TMEM117: variants seen among roughly 807,000 people sequenced by gnomAD.
The protein encoded by TMEM117 is transmembrane protein 117.
TMEM117 carries 27 observed loss-of-function variants against 52.4 expected under a neutral mutation model. The observed-to-expected ratio is 0.51, with a 90% CI of 0.38 to 0.71. The LOEUF (loss-of-function observed/expected upper bound fraction) is 0.71. TMEM117 is among the 30% of genes least tolerant of loss of function. TMEM117 has a pLI of 0.00. For missense variants in TMEM117, 556 were observed against 630.5 expected, an observed-to-expected ratio of 0.88 and a Z score of 1.26; for synonymous variants, 215 against 206.3, an observed-to-expected ratio of 1.04 and a Z score of -0.36.
intron 5 of TMEM117, among the ~76,000 whole-genome samples, chr12:44,245,956 A>G (rs1449989393): frequency 6.6e-6 from 1 of 152,160 alleles, no homozygotes; most frequent in Non-Finnish European, 1.5e-5. Context: ...ATCCAAAACA[A>G]TTATTGTATG....
At chr12:44,082,731 C>G (rs938502989) in intron 3 of TMEM117, among the ~76,000 whole-genome samples, 1 of 152,006 alleles carries the variant, frequency 6.6e-6, no homozygotes, top group Non-Finnish European at 1.5e-5. Context: ...TTATGCAACA[C>G]AACAATATAA....
At position 44,063,624 on chromosome 12, in the gene TMEM117, C is replaced by G. The variant is rs555630188; in HGVS notation, c.411-79901C>G. Among the ~76,000 whole-genome samples the G allele has an allele frequency of 2.0e-3, 300 of 148,890 alleles. 4 individuals carry two copies. Among genetic ancestry groups the G allele is most frequent in the Non-Finnish European group, 2.6e-3 (174 of 67,332 alleles). On this transcript the variant is annotated intron_variant, in intron 3 of 7. Coordinates refer to ENST00000266534, the MANE Select transcript of TMEM117 (RefSeq NM_032256.3). ...TAATGCTATCCCTCCCGCCTCCCCC[C>G]ACCCCACAACAGCCCCCGGTGTGTG... is the stretch of plus-strand genomic sequence containing the variant.
In TMEM117 at chr12:44,347,851, T is replaced by A. The variant is rs546774101; in HGVS notation, c.769-28744T>A. On this transcript the variant is annotated intron_variant, in intron 6 of 7. Transcript: ENST00000266534. ...CTTAAGTTTCAAATCTGGCTGCATG[T>A]TATCATTTTGGGACTTTTAAAAAAC... Among the ~76,000 whole-genome samples, 239 of 152,192 alleles carry A rather than the reference T, an allele frequency of 1.6e-3. 3 individuals are homozygous for A. The highest frequency in any genetic ancestry group is 5.4e-3 in the African/African-American group (223 of 41,560).
chr12:43,933,539 T>C (rs1362274738), intron 2 of TMEM117, among the ~76,000 whole-genome samples: 2 of 151,962 alleles, frequency 1.3e-5, no homozygotes, highest in African/African-American at 2.4e-5. Context: ...CTATACTTTC[T>C]ATCTCATTGC....
chr12:43,806,061 G>T, the TMEM117 span: 1 of 1,518,688 alleles, frequency 6.6e-7, no homozygotes, highest in East Asian at 2.5e-5. Flanking sequence ...GCAGCGCCCG[G>T]GAAGCAGGAG....
chr12:43,856,304 A>G (rs1943399367), intron 2 of TMEM117, among the ~76,000 whole-genome samples: 1 of 152,238 alleles, frequency 6.6e-6, no homozygotes, highest in Non-Finnish European at 1.5e-5. Context: ...ATTCTCAACC[A>G]GTCTGTATGG....
rs1038604572 is a variant in TMEM117, at chr12:44,308,215, A to G, written c.768+8476A>G. ...ACATGATTTAAAAAACTGGAAATAT[A>G]TAAATTCTATACTACTGCAGATGGG... On this transcript the variant is annotated intron_variant, in intron 6 of 7. Transcript: ENST00000266534. Among the ~76,000 whole-genome samples, 4 of 152,348 alleles carry G rather than the reference A, an allele frequency of 2.6e-5. No individual in the cohort carries two copies. The East Asian group carries it at 7.7e-4, about 29-fold the overall frequency.
At chr12:44,066,328 T>C (rs560634247) in intron 3 of TMEM117, among the ~76,000 whole-genome samples, 1 of 152,304 alleles carries the variant, frequency 6.6e-6, no homozygotes, top group South Asian at 2.1e-4. Context: ...CAAAAGACAG[T>C]ATACTAAGCA....
chr12:44,132,032 T>A (rs942568118), intron 3 of TMEM117, among the ~76,000 whole-genome samples: 1 of 152,148 alleles, frequency 6.6e-6, no homozygotes, highest in Non-Finnish European at 1.5e-5. Flanking sequence ...CCATACAGGC[T>A]GAGCGATAAA....
chr12:44,374,298 G>A (rs750614041), intron 6 of TMEM117, among the ~76,000 whole-genome samples: 1 of 151,908 alleles, frequency 6.6e-6, no homozygotes, highest in Non-Finnish European at 1.5e-5. Context: ...AAGTAAAAGA[G>A]GTTTGGAAAA....
chr12:44,306,799 T>C (rs930703207), intron 6 of TMEM117, among the ~76,000 whole-genome samples: 1 of 152,246 alleles, frequency 6.6e-6, no homozygotes, highest in Non-Finnish European at 1.5e-5. Flanking sequence ...GAATGAACTA[T>C]CAATAATATT....
intron 3 of TMEM117, among the ~76,000 whole-genome samples, chr12:44,107,933 A>C (rs909169197): frequency 4.6e-5 from 7 of 152,188 alleles, no homozygotes; most frequent in Non-Finnish European, 8.8e-5. Context: ...ATAACACAGC[A>C]AAAGAGCCAC....
intron 3 of TMEM117, among the ~76,000 whole-genome samples, chr12:43,995,704 G>A (rs533038531): frequency 1.3e-5 from 2 of 152,262 alleles, no homozygotes; most frequent in Admixed American, 6.5e-5. Flanking sequence ...ATGCTAGCTA[G>A]TGATCTGGAC....
At chr12:44,042,964 G>A (rs905632352) in intron 3 of TMEM117, among the ~76,000 whole-genome samples, 2 of 152,222 alleles carry the variant, frequency 1.3e-5, no homozygotes, top group Middle Eastern at 3.4e-3. Flanking sequence ...AAATGCTAAG[G>A]ACTCTACTTC....
At chr12:43,831,546 AT>A (rs11449366), upstream of TMEM117, among the ~76,000 whole-genome samples, 751 of 137,364 alleles carry the variant, frequency 5.5e-3, 1 homozygote, top group African/African-American at 5.5e-3. Context: ...GTTACTTCTG[AT>A]TTTTTTTTTT....
At chr12:44,214,108 A>G (rs535346999) in intron 5 of TMEM117, among the ~76,000 whole-genome samples, 15 of 138,424 alleles carry the variant, frequency 1.1e-4, no homozygotes, top group Admixed American at 1.0e-3. Context: ...AGGTCTATAT[A>G]TCACCAATGT....
intron 3 of TMEM117, among the ~76,000 whole-genome samples, chr12:43,959,363 C>T (rs568182617): frequency 6.6e-6 from 1 of 152,096 alleles, no homozygotes; most frequent in Non-Finnish European, 1.5e-5. Context: ...CAGTTTCTGT[C>T]GTCACAGTTG....
chr12:44,002,376 G>A (rs1027895161), intron 3 of TMEM117, among the ~76,000 whole-genome samples: 2 of 114,506 alleles, frequency 1.7e-5, no homozygotes, highest in Admixed American at 1.0e-4. Context: ...CCCCTTTAGG[G>A]ATGAGATCTT....
At chr12:44,345,221 A>T (rs1951469376) in intron 6 of TMEM117, among the ~76,000 whole-genome samples, 1 of 152,078 alleles carries the variant, frequency 6.6e-6, no homozygotes, top group Admixed American at 6.6e-5. Context: ...ACTGTTGTCC[A>T]GGCAAAGTCA....
Sources: gnomAD v4.1 joint callset for allele counts (sites outside exome capture counted in the v4.1 genomes callset) on GRCh38, gnomAD v4.1.1 for gene constraint, MANE v1.5 for transcripts, NCBI Gene and HGNC (gene_info 2026-07-23, HGNC 2026-07-21) for gene names.